Variants in ABHD2 observed in about 807,000 individuals in gnomAD.
The protein encoded by ABHD2 is abhydrolase domain containing 2, acylglycerol lipase.
ABHD2 carries 20 observed loss-of-function variants against 48.1 expected under a neutral mutation model. The ratio of observed to expected loss-of-function variants is 0.42; its 90% CI spans 0.29 to 0.60. The LOEUF is 0.60. Ranked by LOEUF, ABHD2 falls within the 20% of genes least tolerant of loss-of-function variation. The pLI is 0.24. For missense variants in ABHD2, 405 were observed against 550.9 expected (o/e 0.74, Z 2.65); for synonymous variants, 209 against 214.2 (o/e 0.98, Z 0.21).
the ABHD2 span, among the ~76,000 whole-genome samples, chr15:89,049,178 G>C: frequency 1.3e-5 from 2 of 152,142 alleles, no homozygotes; most frequent in Non-Finnish European, 2.9e-5. Context: ...CCTGCTGGGG[G>C]GTGCCTCCCA....
chr15:89,119,382 T>A (rs956042532), intron 3 of ABHD2, among the ~76,000 whole-genome samples: 6 of 152,208 alleles, frequency 3.9e-5, no homozygotes, highest in African/African-American at 7.2e-5. Context: ...CTGATTTAGA[T>A]TCTAATTTTA....
In ABHD2 at chr15:89,117,723, C is replaced by G. The variant is rs536340297; in HGVS notation, c.194+1202C>G. On this transcript the variant is annotated intron_variant, in intron 3 of 10. Coordinates refer to ENST00000352732, the MANE Select transcript of ABHD2 (RefSeq NM_152924.5). ...TCTTCCCTGCATCCTGATAGCACCT[C>G]TCATCACCTCTTTTGGCTGTTGGGG... is the stretch of plus-strand genomic sequence containing the variant. 4.6e-5 allele frequency among the ~76,000 whole-genome samples: 7 copies of G among 152,344 alleles called. No individual in the cohort carries two copies. The South Asian group carries it at 1.5e-3, about 32-fold the overall frequency.
In ABHD2 at chr15:89,146,397, T is replaced by TAC; in HGVS notation, c.195-5280_195-5279insAC. Among the ~76,000 whole-genome samples the TAC allele has an allele frequency of 7.2e-6, 1 of 139,402 alleles. No individual in the cohort carries two copies. The highest frequency in any genetic ancestry group is 2.8e-5 in the African/African-American group (1 of 36,318). 91.5% of individuals were successfully genotyped at this position (139,402 alleles called of 152,430 possible). A position where few individuals can be genotyped will look rare whatever the true frequency, so the allele number is the denominator to read the frequency against. On this transcript the variant is annotated intron_variant, in intron 3 of 10. Transcript: ENST00000352732. The surrounding 1 kb of genome is among the most constrained non-coding windows in gnomAD (Gnocchi z 4.2). ...GTGTGTGTGTGTGTGTGTGTGTGTG[T>TAC]GTACGTATGTATATGGGGGGTGGGA...
In ABHD2 at chr15:89,104,953, T is replaced by C. The variant is rs2049759775; in HGVS notation, c.-106-8772T>C. Among the ~76,000 whole-genome samples, 1 of 152,362 alleles carries C rather than the reference T, an allele frequency of 6.6e-6. No homozygotes were observed. The highest frequency in any genetic ancestry group is 6.5e-5 in the Admixed American group (1 of 15,306). On this transcript the variant is annotated intron_variant, in intron 1 of 10. Transcript: ENST00000352732. The surrounding 1 kb of genome is among the most constrained non-coding windows in gnomAD (Gnocchi z 4.4). ...CTTCTGATATTACAGAATTTAATTA[T>C]GGTGTAGATTTTTAAAAATATGTTT...
chr15:89,174,133 G>A lies in ABHD2; in HGVS notation c.539-1679G>A, dbSNP rs1439436726. ...TGATTGTGCATTTTCCTGTATGTAT[G>A]TTATACCCCATTAAAAATAAAAAAG... On this transcript the variant is annotated intron_variant, in intron 5 of 10. Transcript: ENST00000352732. This position sits in a 1 kb window ranked among gnomAD's most constrained non-coding sequence, Gnocchi z 4.1. Among the ~76,000 whole-genome samples the A allele has an allele frequency of 2.0e-5, 3 of 152,004 alleles. No individual in the cohort carries two copies. Among genetic ancestry groups the A allele is most frequent in the Non-Finnish European group, 4.4e-5 (3 of 68,002 alleles).
At chr15:89,051,869 A>T in the ABHD2 span, among the ~76,000 whole-genome samples, 6 of 152,098 alleles carry the variant, frequency 3.9e-5, no homozygotes, top group Non-Finnish European at 8.8e-5. Flanking sequence ...AAACTAATAG[A>T]GGTACCATGT....
the ABHD2 span, among the ~76,000 whole-genome samples, chr15:89,049,717 C>T: frequency 4.7e-3 from 718 of 152,360 alleles, 2 homozygotes; most frequent in Middle Eastern, 0.01. Flanking sequence ...TTGCACTTCC[C>T]AAGTAAGGCA....
At chr15:89,043,468 G>C in the ABHD2 span, among the ~76,000 whole-genome samples, 1 of 149,552 alleles carries the variant, frequency 6.7e-6, no homozygotes, top group African/African-American at 2.5e-5. Context: ...AGAAGGAGAA[G>C]GAGAAGGAGA....
rs7179748 is a variant in ABHD2, at chr15:89,135,166, T to C, written c.195-16511T>C. Reference sequence around the variant, plus strand: ...TTCTTTTTTTTTTTTTTTTTTGCAATTACAGAGTGGTATTCACTTAACAAC... The same window carrying C: ...TTCTTTTTTTTTTTTTTTTTTGCAACTACAGAGTGGTATTCACTTAACAAC... On this transcript the variant is annotated intron_variant, in intron 3 of 10. Coordinates refer to ENST00000352732, the MANE Select transcript of ABHD2 (RefSeq NM_152924.5). 6.3e-3 allele frequency among the ~76,000 whole-genome samples: 945 copies of C among 149,246 alleles called. 12 individuals are homozygous for C. The highest frequency in any genetic ancestry group is 0.022 in the African/African-American group (888 of 40,888).
intron 3 of ABHD2, among the ~76,000 whole-genome samples, chr15:89,122,913 T>G (rs2050074333): frequency 6.6e-6 from 1 of 152,220 alleles, no homozygotes; most frequent in Admixed American, 6.5e-5. Flanking sequence ...TTGAGTTGTC[T>G]TCACTGGATC....
chr15:89,087,797 C>G (rs913462427), upstream of ABHD2: 2 of 152,186 alleles, frequency 1.3e-5, no homozygotes, highest in Non-Finnish European at 2.9e-5. The surrounding 1 kb of genome is among the most constrained non-coding windows in gnomAD (Gnocchi z 5.5). Flanking sequence ...ATAACTGAGG[C>G]CCGTATTGCC....
At chr15:89,187,916 C>A (rs1447746334) in intron 7 of ABHD2, among the ~76,000 whole-genome samples, 1 of 152,214 alleles carries the variant, frequency 6.6e-6, no homozygotes, top group Non-Finnish European at 1.5e-5. Context: ...ACCACAAGGC[C>A]CGTCTTGAGC....
intron 3 of ABHD2, among the ~76,000 whole-genome samples, chr15:89,118,393 G>GGTCTTGAA (rs750569186): frequency 6.6e-6 from 1 of 152,036 alleles, no homozygotes; most frequent in Non-Finnish European, 1.5e-5. Flanking sequence ...TGGCCAGGCT[G>GGTCTTGAA]GTCTTGAACT....
intron 3 of ABHD2, among the ~76,000 whole-genome samples, chr15:89,133,261 A>G (rs1283194242): frequency 2.3e-5 from 3 of 131,942 alleles, no homozygotes; most frequent in Non-Finnish European, 5.6e-5. Context: ...ACTGCTTCGT[A>G]TTCCATAAAA....
At chr15:89,057,214 A>G in the ABHD2 span, among the ~76,000 whole-genome samples, 5 of 152,308 alleles carry the variant, frequency 3.3e-5, no homozygotes, top group East Asian at 9.6e-4. Flanking sequence ...GCGCTAGGCC[A>G]GCGTGATACC....
Position 89,189,784 on chromosome 15 carries a change from G to A in ABHD2, c.927-1296G>A, listed in dbSNP as rs1596163714. ...AGTGTGTGACTGTATTGCGGTGTGT[G>A]GTAAGAAAAAACAAATTAAATTTCC... On this transcript the variant is annotated intron_variant, in intron 8 of 10. Transcript: ENST00000352732. The surrounding 1 kb of genome is among the most constrained non-coding windows in gnomAD (Gnocchi z 4.9). 7.2e-6 allele frequency among the ~76,000 whole-genome samples: 1 copy of A among 139,848 alleles called. No homozygotes were observed. The allele number at this position is 139,848 out of a possible 152,430, so 91.7% of individuals were successfully genotyped here.
the ABHD2 span, among the ~76,000 whole-genome samples, chr15:89,056,363 A>G: frequency 6.6e-6 from 1 of 152,204 alleles, no homozygotes; most frequent in South Asian, 2.1e-4. Context: ...ACACAGTAAG[A>G]AAGAACACCA....
rs528323577 is a variant in ABHD2, at chr15:89,173,198, TC to T, written c.539-2610del. 1.8e-4 allele frequency among the ~76,000 whole-genome samples: 27 copies of T among 152,322 alleles called. 1 individual carries two copies. In the South Asian group the frequency reaches 3.1e-3, roughly 18 times the overall value. ...GTGCTCTCAGCTGTTTGTTTGCACA[TC>T]CCCTTTTTTATATCACAGCTACATT... On this transcript the variant is annotated intron_variant, in intron 5 of 10. Transcript: ENST00000352732. This position sits in a 1 kb window ranked among gnomAD's most constrained non-coding sequence, Gnocchi z 6.5.
Position 89,097,849 on chromosome 15 carries a change from C to T in ABHD2, c.-107+9286C>T. 6.6e-6 allele frequency among the ~76,000 whole-genome samples: 1 copy of T among 151,906 alleles called. No individual in the cohort carries two copies. The highest frequency in any genetic ancestry group is 6.6e-5 in the Admixed American group (1 of 15,234). On this transcript the variant is annotated intron_variant, in intron 1 of 10. Coordinates refer to ENST00000352732, the MANE Select transcript of ABHD2 (RefSeq NM_152924.5). This position sits in a 1 kb window ranked among gnomAD's most constrained non-coding sequence, Gnocchi z 4.2. ...GCATATTGTACATGTTGTTCTGCTC[C>T]TTGTTTTAGTCACTTAACATGGAAT...
Sources: allele counts gnomAD v4.1 joint callset (sites outside exome capture counted in the v4.1 genomes callset), GRCh38; gene constraint gnomAD v4.1.1; non-coding constraint Gnocchi (gnomAD v3.1); transcripts MANE v1.5; gene names NCBI Gene and HGNC (gene_info 2026-07-23, HGNC 2026-07-21).